Variants in SMAD3 observed in about 807,000 individuals in gnomAD.
SMAD3 encodes MAD homolog 3.
In SMAD3, 12 loss-of-function variants were observed where a neutral mutation model predicts 51.8. The observed-to-expected ratio is 0.23, with a 90% CI of 0.15 to 0.38. The LOEUF is 0.38. SMAD3 is among the 10% of genes least tolerant of loss of function. The pLI is 1.00. For missense variants in SMAD3, 294 were observed against 565.6 expected, an observed-to-expected ratio of 0.52 and a Z score of 4.87; for synonymous variants, 238 against 227.7, an observed-to-expected ratio of 1.05 and a Z score of -0.41.
intron 1 of SMAD3, among the ~76,000 whole-genome samples, chr15:67,158,276 C>T (rs1962337243): frequency 6.6e-6 from 1 of 152,214 alleles, no homozygotes; most frequent in Non-Finnish European, 1.5e-5. Flanking sequence ...TCCCAATTCA[C>T]TCTTATTACT....
chr15:67,190,685 AAC>A lies in SMAD3; in HGVS notation c.*154_*155del. 2.6e-6 allele frequency: 2 copies of A among 783,780 alleles called. No individual in the cohort carries two copies. The highest frequency in any genetic ancestry group is 2.7e-5 in the East Asian group (1 of 37,390). The allele number at this position is 783,780 out of a possible 1,614,324, so 48.6% of individuals were successfully genotyped here. On this transcript the variant is annotated 3_prime_UTR_variant, in exon 9 of 9. Coordinates refer to ENST00000327367, the MANE Select transcript of SMAD3 (RefSeq NM_005902.4). ...AGGGGTGCACCCACCTGTTTTCTGA[AAC>A]ACACGAGCAAACCCAGAGGTGGATG... is the stretch of plus-strand genomic sequence containing the variant.
chr15:67,091,211 A>G (rs1489217588), intron 1 of SMAD3, among the ~76,000 whole-genome samples: 1 of 152,138 alleles, frequency 6.6e-6, no homozygotes, highest in African/African-American at 2.4e-5. Context: ...TATTCTTTGA[A>G]CATCTTTGCG....
At chr15:67,183,032 T>TATATATA (rs59673693) in intron 6 of SMAD3, among the ~76,000 whole-genome samples, 10 of 30,988 alleles carry the variant, frequency 3.2e-4, no homozygotes, top group African/African-American at 8.8e-4. Flanking sequence ...TATATATATA[T>TATATATA]TTTTTTTTTT....
At chr15:67,115,668 C>A (rs1367701655) in intron 1 of SMAD3, among the ~76,000 whole-genome samples, 1 of 152,222 alleles carries the variant, frequency 6.6e-6, no homozygotes, top group Non-Finnish European at 1.5e-5. Context: ...AACCACCCTC[C>A]TGGAGTCATG....
At chr15:67,127,114 C>G (rs953597653) in intron 1 of SMAD3, among the ~76,000 whole-genome samples, 1 of 152,172 alleles carries the variant, frequency 6.6e-6, no homozygotes, top group Non-Finnish European at 1.5e-5. Flanking sequence ...GGGCTAAATA[C>G]CGGCCACCTC....
intron 6 of SMAD3, among the ~76,000 whole-genome samples, chr15:67,184,442 G>A (rs1240089002): frequency 6.6e-6 from 1 of 152,132 alleles, no homozygotes; most frequent in Non-Finnish European, 1.5e-5. Flanking sequence ...AAGACTCAGA[G>A]GGTGAATAAC....
intron 1 of SMAD3, among the ~76,000 whole-genome samples, chr15:67,070,374 G>A (rs560540812): frequency 2.6e-5 from 4 of 152,204 alleles, no homozygotes; most frequent in Non-Finnish European, 5.9e-5. Context: ...GCCACTTGAC[G>A]TTCCCTGGGA....
At chr15:67,129,455 AGT>A (rs1961469948) in intron 1 of SMAD3, among the ~76,000 whole-genome samples, 1 of 151,748 alleles carries the variant, frequency 6.6e-6, no homozygotes, top group Non-Finnish European at 1.5e-5. Flanking sequence ...CTTTTATGAT[AGT>A]ATATTGTTAT....
At chr15:67,176,420 G>GC (rs1432724465) in intron 5 of SMAD3, among the ~76,000 whole-genome samples, 5 of 152,166 alleles carry the variant, frequency 3.3e-5, no homozygotes, top group African/African-American at 1.2e-4. Context: ...GGTGAGGTGG[G>GC]CCCAGCAGAA....
At chr15:67,127,676 C>T (rs937802031) in intron 1 of SMAD3, among the ~76,000 whole-genome samples, 2 of 152,216 alleles carry the variant, frequency 1.3e-5, no homozygotes, top group Non-Finnish European at 2.9e-5. Flanking sequence ...GTGTCTGCTG[C>T]ACCTTCAGAC....
chr15:67,183,282 G>C (rs1036781918), intron 6 of SMAD3, among the ~76,000 whole-genome samples: 1 of 151,692 alleles, frequency 6.6e-6, no homozygotes, highest in Non-Finnish European at 1.5e-5. Context: ...GACCTCAGGT[G>C]ATCTGCCCGC....
intron 1 of SMAD3, among the ~76,000 whole-genome samples, chr15:67,150,569 C>T (rs1339257123): frequency 1.3e-5 from 2 of 152,158 alleles, no homozygotes; most frequent in Non-Finnish European, 2.9e-5. Flanking sequence ...TCGGGCAGAC[C>T]TGACTGCAGG....
In SMAD3 at chr15:67,193,283, C is replaced by G. The variant is rs112868185; in HGVS notation, c.*2747C>G. 1 of 233,278 alleles carries G rather than the reference C, an allele frequency of 4.3e-6. No homozygotes were observed. The highest frequency in any genetic ancestry group is 1.8e-4 in the South Asian group (1 of 5,528). The allele number at this position is 233,278 out of a possible 1,614,324, so 14.5% of individuals were successfully genotyped here. ...GTGGCGTTCACCTAGTCAACACGACCGCGTGTGTTGCCCCTGCCCTGGGCT... is the reference window on the plus strand; with the variant it reads ...GTGGCGTTCACCTAGTCAACACGACGGCGTGTGTTGCCCCTGCCCTGGGCT... On this transcript the variant is annotated 3_prime_UTR_variant, in exon 9 of 9. Coordinates refer to ENST00000327367, the MANE Select transcript of SMAD3 (RefSeq NM_005902.4).
At chr15:67,077,277 C>T (rs1053597138) in intron 1 of SMAD3, among the ~76,000 whole-genome samples, 6 of 152,128 alleles carry the variant, frequency 3.9e-5, no homozygotes, top group African/African-American at 9.7e-5. Flanking sequence ...TTGTAGCATC[C>T]GCTCAGTTGC....
chr15:67,153,159 G>A (rs763168862), intron 1 of SMAD3, among the ~76,000 whole-genome samples: 2 of 152,198 alleles, frequency 1.3e-5, no homozygotes. Context: ...GAGTTACTGA[G>A]TGAGAAGTGC....
chr15:67,141,780 C>G (rs1961830538), intron 1 of SMAD3, among the ~76,000 whole-genome samples: 1 of 152,158 alleles, frequency 6.6e-6, no homozygotes, highest in African/African-American at 2.4e-5. Flanking sequence ...CCATTAGACT[C>G]CTGAGTCTTA....
chr15:67,095,118 T>A (rs545565068), intron 1 of SMAD3, among the ~76,000 whole-genome samples: 73 of 152,272 alleles, frequency 4.8e-4, no homozygotes, highest in African/African-American at 1.7e-3. Flanking sequence ...TCCTCTCCCC[T>A]TGGTGTTAAG....
At chr15:67,121,309 C>T (rs886762777) in intron 1 of SMAD3, among the ~76,000 whole-genome samples, 2 of 152,184 alleles carry the variant, frequency 1.3e-5, no homozygotes, top group Admixed American at 1.3e-4. Context: ...CAGCGGGTGC[C>T]GGTGGGCACT....
At position 67,181,441 on chromosome 15, in the gene SMAD3, C is replaced by T. The variant is rs387906850; in HGVS notation, c.859C>T (p.Arg287Trp). ...CAGGAATGCAGCAGTGGAGCTGACA[C>T]GGAGACACATCGGTATGGGGTGGCT... ...VNRNAAVELT[R>W]RHIGRGVRLY... The change falls in exon 6 of 9, where the codon CGG (arginine) becomes TGG (tryptophan). Residue 287 changes from arginine (R) to tryptophan (W), a missense_variant. Coordinates refer to ENST00000327367, the MANE Select transcript of SMAD3 (RefSeq NM_005902.4). The T allele has an allele frequency of 6.2e-7, 1 of 1,613,160 alleles. No individual in the cohort carries two copies. Among genetic ancestry groups the T allele is most frequent in the Non-Finnish European group, 8.5e-7 (1 of 1,179,892 alleles).
Sources: gnomAD v4.1 joint callset for allele counts (sites outside exome capture counted in the v4.1 genomes callset) on GRCh38, gnomAD v4.1.1 for gene constraint, MANE v1.5 for transcripts, NCBI Gene and HGNC (gene_info 2026-07-23, HGNC 2026-07-21) for gene names.